The following PLXDC2 variants were observed in gnomAD, a reference collection of about 807,000 sequenced individuals.
The protein encoded by PLXDC2 is plexin domain containing 2.
In PLXDC2, 40 loss-of-function variants were observed where a neutral mutation model predicts 68.9. The ratio of observed to expected loss-of-function variants is 0.58; its 90% confidence interval spans 0.45 to 0.76. PLXDC2 has a LOEUF of 0.76. Among genes scored for constraint, PLXDC2 ranks in the 30% least tolerant of loss-of-function variants. PLXDC2 has a pLI of 0.00. For synonymous variants in PLXDC2, 243 were observed against 234.2 expected, an observed-to-expected ratio of 1.04 and a Z score of -0.34; for missense variants, 644 against 661.9, an observed-to-expected ratio of 0.97 and a Z score of 0.30.
chr10:20,107,325 G>A (rs371062679), intron 4 of PLXDC2, among the ~76,000 whole-genome samples: 24 of 151,920 alleles, frequency 1.6e-4, no homozygotes, highest in Admixed American at 7.2e-4. Context: ...GTTGTTTCCC[G>A]TTATCCATCT....
chr10:20,152,593 AT>A (rs1834166393), intron 6 of PLXDC2, among the ~76,000 whole-genome samples: 1 of 152,074 alleles, frequency 6.6e-6, no homozygotes, highest in Non-Finnish European at 1.5e-5. Flanking sequence ...ATTATAATGC[AT>A]TTTTCAATTT....
At chr10:19,846,904 A>G (rs1335864761) in intron 1 of PLXDC2, among the ~76,000 whole-genome samples, 2 of 152,164 alleles carry the variant, frequency 1.3e-5, no homozygotes, top group African/African-American at 4.8e-5. Context: ...AGGTGTCACA[A>G]TCATGGCAGA....
Position 20,014,501 on chromosome 10 carries a change from T to C in PLXDC2, c.324+12515T>C, listed in dbSNP as rs544784117. Among the ~76,000 whole-genome samples the C allele has an allele frequency of 1.3e-4, 19 of 151,632 alleles. No homozygotes were observed. The South Asian group carries it at 3.8e-3, about 30-fold the overall frequency. On this transcript the variant is annotated intron_variant, in intron 2 of 13. Transcript: ENST00000377252. Reference sequence around the variant, plus strand: ...TTCCTTTCTTTCTCTCTTTCTGTCATCAACCCATCCAAGGTAAATCTGTTT... The same window carrying C: ...TTCCTTTCTTTCTCTCTTTCTGTCACCAACCCATCCAAGGTAAATCTGTTT...
At chr10:20,253,357 T>C (rs1835703288) in intron 13 of PLXDC2, among the ~76,000 whole-genome samples, 1 of 146,138 alleles carries the variant, frequency 6.8e-6, no homozygotes, top group African/African-American at 2.5e-5. Context: ...AGAGTGAGAT[T>C]CTGTCTCAAA....
intron 1 of PLXDC2, among the ~76,000 whole-genome samples, chr10:19,964,689 T>G (rs577368816): frequency 2.6e-4 from 39 of 152,290 alleles, no homozygotes; most frequent in African/African-American, 8.9e-4. Flanking sequence ...CGTGTCTCTC[T>G]GCCCCAGTAG....
At chr10:20,131,450 A>G (rs1421992061) in intron 4 of PLXDC2, among the ~76,000 whole-genome samples, 1 of 151,928 alleles carries the variant, frequency 6.6e-6, no homozygotes, top group Non-Finnish European at 1.5e-5. Context: ...CCCAGGCTGG[A>G]GTGCAATGGT....
At chr10:19,887,150 C>A (rs1299575417) in intron 1 of PLXDC2, among the ~76,000 whole-genome samples, 1 of 152,054 alleles carries the variant, frequency 6.6e-6, no homozygotes, top group African/African-American at 2.4e-5. Context: ...TTTGTAGTTG[C>A]CAATAACATT....
At chr10:20,246,998 T>C (rs1456364853) in intron 13 of PLXDC2, among the ~76,000 whole-genome samples, 1 of 152,140 alleles carries the variant, frequency 6.6e-6, no homozygotes, top group African/African-American at 2.4e-5. Flanking sequence ...TTTCCTTCTG[T>C]GGGGGCTCAA....
Position 20,282,722 on chromosome 10 carries a change from G to T in PLXDC2, c.*2903G>T, listed in dbSNP as rs1836097499. Reference sequence around the variant, plus strand: ...AAAATTGCAACCTCAGGCATAAATGGCTTAAGCCCAAGAGATGGCACTGAC... The same window carrying T: ...AAAATTGCAACCTCAGGCATAAATGTCTTAAGCCCAAGAGATGGCACTGAC... On this transcript the variant is annotated 3_prime_UTR_variant, in exon 14 of 14. Coordinates refer to ENST00000377252, the MANE Select transcript of PLXDC2 (RefSeq NM_032812.9). 6.6e-6 allele frequency: 1 copy of T among 152,150 alleles called. No homozygotes were observed. The allele number at this position is 152,150 out of a possible 1,614,324, so 9.4% of individuals were successfully genotyped here. A position where few individuals can be genotyped will look rare whatever the true frequency, so the allele number is the denominator to read the frequency against.
At chr10:19,964,070 A>T (rs1386069048) in intron 1 of PLXDC2, among the ~76,000 whole-genome samples, 1 of 152,216 alleles carries the variant, frequency 6.6e-6, no homozygotes, top group Non-Finnish European at 1.5e-5. Context: ...GTTATAAGCA[A>T]TGTTCTGCCA....
chr10:19,857,534 A>G (rs1837237883), intron 1 of PLXDC2, among the ~76,000 whole-genome samples: 1 of 152,246 alleles, frequency 6.6e-6, no homozygotes, highest in East Asian at 1.9e-4. Context: ...TAGAAAAGGT[A>G]TAGATGAACA....
chr10:20,212,606 C>A (rs920470397), intron 10 of PLXDC2, among the ~76,000 whole-genome samples: 1 of 152,044 alleles, frequency 6.6e-6, no homozygotes, highest in African/African-American at 2.4e-5. Context: ...GCAAGCCATG[C>A]CAAAATGCTG....
intron 12 of PLXDC2, among the ~76,000 whole-genome samples, chr10:20,244,985 ACACCT>A (rs1835569926): frequency 6.6e-6 from 1 of 152,134 alleles, no homozygotes; most frequent in Non-Finnish European, 1.5e-5. Context: ...GTGGTGACTC[ACACCT>A]GTAATCCCAG....
At chr10:20,205,466 T>A (rs1339738053) in intron 9 of PLXDC2, among the ~76,000 whole-genome samples, 1 of 152,108 alleles carries the variant, frequency 6.6e-6, no homozygotes, top group Non-Finnish European at 1.5e-5. Flanking sequence ...GAATAAAGAT[T>A]TGGCCCATAT....
intron 1 of PLXDC2, among the ~76,000 whole-genome samples, chr10:19,819,483 G>A (rs1307901134): frequency 3.3e-5 from 5 of 152,010 alleles, no homozygotes; most frequent in Admixed American, 3.3e-4. Flanking sequence ...ATTCAGTATG[G>A]GGGGAAAAGT....
At chr10:19,862,108 G>C (rs1441342987) in intron 1 of PLXDC2, among the ~76,000 whole-genome samples, 3 of 152,168 alleles carry the variant, frequency 2.0e-5, no homozygotes, top group Non-Finnish European at 2.9e-5. Flanking sequence ...ATAGTGGCAA[G>C]TTATATATCA....
intron 13 of PLXDC2, among the ~76,000 whole-genome samples, chr10:20,263,359 A>C (rs548900018): frequency 6.6e-6 from 1 of 152,334 alleles, no homozygotes; most frequent in Admixed American, 6.5e-5. Flanking sequence ...AAATCTACTC[A>C]AGATGGAGTA....
At chr10:20,193,775 A>C (rs1034096014) in intron 9 of PLXDC2, among the ~76,000 whole-genome samples, 2 of 152,088 alleles carry the variant, frequency 1.3e-5, no homozygotes, top group Non-Finnish European at 2.9e-5. Flanking sequence ...TTCACACCCA[A>C]ATTCTTAAAA....
chr10:19,843,297 G>A (rs1308740623), intron 1 of PLXDC2, among the ~76,000 whole-genome samples: 1 of 152,028 alleles, frequency 6.6e-6, no homozygotes, highest in African/African-American at 2.4e-5. Context: ...TAAAGCTAAG[G>A]TATTAATTTG....
Sources: allele counts gnomAD v4.1 joint callset (sites outside exome capture counted in the v4.1 genomes callset), GRCh38; gene constraint gnomAD v4.1.1; transcripts MANE v1.5; gene names NCBI Gene and HGNC (gene_info 2026-07-23, HGNC 2026-07-21).